PXDNL: variants seen among roughly 807,000 people sequenced by gnomAD.
The protein encoded by PXDNL is peroxidasin like.
PXDNL carries 145 observed loss-of-function variants against 150.8 expected under a neutral mutation model. That is an observed-to-expected ratio of 0.96 (90% CI 0.84 to 1.10). The LOEUF (loss-of-function observed/expected upper bound fraction) is 1.10, where lower values mean the gene tolerates loss of function less well. Ranked by LOEUF, PXDNL falls within the 50% of genes least tolerant of loss-of-function variation. The pLI is 0.00. For missense variants in PXDNL, 2,087 were observed against 1,873.9 expected, an observed-to-expected ratio of 1.11 and a Z score of -2.10; for synonymous variants, 757 against 725.7, an observed-to-expected ratio of 1.04 and a Z score of -0.69.
intron 1 of PXDNL, among the ~76,000 whole-genome samples, chr8:51,780,800 C>T (rs1328797120): frequency 1.3e-5 from 2 of 151,876 alleles, no homozygotes; most frequent in African/African-American, 4.8e-5. Flanking sequence ...GCTGGAATTA[C>T]AGGTGTGCAC....
At chr8:51,639,106 G>A (rs1444482919) in intron 2 of PXDNL, among the ~76,000 whole-genome samples, 2 of 152,140 alleles carry the variant, frequency 1.3e-5, no homozygotes, top group Non-Finnish European at 2.9e-5. Flanking sequence ...TGACTACTGG[G>A]TACATAACGA....
At chr8:51,402,548 G>C (rs1309095240) in intron 17 of PXDNL, among the ~76,000 whole-genome samples, 2 of 152,118 alleles carry the variant, frequency 1.3e-5, no homozygotes, top group Admixed American at 1.3e-4. Context: ...AGCCGAGGCA[G>C]TTACACATCC....
intron 4 of PXDNL, among the ~76,000 whole-genome samples, chr8:51,529,846 G>A (rs569390570): frequency 8.5e-5 from 13 of 152,162 alleles, no homozygotes; most frequent in Non-Finnish European, 1.5e-4. Flanking sequence ...TCTAGGCCAG[G>A]CACTATGGAT....
intron 1 of PXDNL, among the ~76,000 whole-genome samples, chr8:51,751,523 A>C (rs1397588207): frequency 1.3e-5 from 2 of 152,192 alleles, no homozygotes; most frequent in Non-Finnish European, 2.9e-5. Flanking sequence ...TCACACAATT[A>C]CTTCAGATAT....
chr8:51,676,872 G>A (rs1815636106), intron 1 of PXDNL, among the ~76,000 whole-genome samples: 1 of 152,158 alleles, frequency 6.6e-6, no homozygotes, highest in African/African-American at 2.4e-5. Context: ...AAGTAACCCT[G>A]TCAAAAATTT....
At chr8:51,349,158 G>T (rs141509853) in intron 19 of PXDNL, among the ~76,000 whole-genome samples, 90 of 75,584 alleles carry the variant, frequency 1.2e-3, no homozygotes, top group South Asian at 2.5e-3. Context: ...CATAACGGTG[G>T]GTGGGTGTGT....
intron 1 of PXDNL, among the ~76,000 whole-genome samples, chr8:51,678,597 C>G (rs1438800779): frequency 6.7e-6 from 1 of 149,628 alleles, no homozygotes; most frequent in Non-Finnish European, 1.5e-5. Flanking sequence ...AATCATCATT[C>G]TCAGTAAACT....
At chr8:51,794,468 C>G (rs181871869) in intron 1 of PXDNL, among the ~76,000 whole-genome samples, 1 of 152,332 alleles carries the variant, frequency 6.6e-6, no homozygotes, top group East Asian at 1.9e-4. Flanking sequence ...GCAGACCTCT[C>G]AGCAGAAACC....
intron 5 of PXDNL, among the ~76,000 whole-genome samples, chr8:51,491,739 A>G (rs1022211178): frequency 5.3e-4 from 81 of 152,222 alleles, no homozygotes; most frequent in African/African-American, 1.8e-3. Flanking sequence ...CGACAAAAAT[A>G]CAAGGCTTGG....
chr8:51,690,134 T>A (rs1803880059), intron 1 of PXDNL, among the ~76,000 whole-genome samples: 1 of 152,190 alleles, frequency 6.6e-6, no homozygotes, highest in Non-Finnish European at 1.5e-5. Flanking sequence ...GATGAGCTAA[T>A]CTCATATGTG....
intron 17 of PXDNL, among the ~76,000 whole-genome samples, chr8:51,394,469 C>T (rs1248501504): frequency 6.6e-6 from 1 of 152,154 alleles, no homozygotes; most frequent in Non-Finnish European, 1.5e-5. Flanking sequence ...ATTAGAAAAA[C>T]TCATCAAAGA....
Position 51,413,192 on chromosome 8 carries a change from A to G in PXDNL, c.1862T>C (p.Val621Ala), listed in dbSNP as rs769228502. 4 of 1,612,180 alleles carry G rather than the reference A, an allele frequency of 2.5e-6. No homozygotes were observed. The South Asian group carries it at 3.3e-5, about 13-fold the overall frequency. Residue 621 changes from valine (V) to alanine (A), a missense_variant, in exon 15 of 23, where the codon GTT becomes GCT. Coordinates refer to ENST00000356297, the MANE Select transcript of PXDNL (RefSeq NM_144651.5). ...TCGTGTGGAGTTAATTGCACTGTCA[A>G]CTCTCTGTACAGCATCAAGAATGGA... ...ESSILDAVQR[V>A]DSAINSTRRH...
At chr8:51,663,099 T>C (rs368205800) in intron 1 of PXDNL, among the ~76,000 whole-genome samples, 8 of 152,276 alleles carry the variant, frequency 5.3e-5, no homozygotes, top group Admixed American at 2.0e-4. Context: ...GGTGTTAACA[T>C]GATGATTTTA....
chr8:51,403,505 G>C (rs1029223767), intron 17 of PXDNL, among the ~76,000 whole-genome samples: 5 of 152,112 alleles, frequency 3.3e-5, no homozygotes, highest in African/African-American at 1.2e-4. Context: ...TTAATGTTTT[G>C]GGGGTGAGAT....
At chr8:51,578,062 G>A (rs1296291482) in intron 3 of PXDNL, among the ~76,000 whole-genome samples, 1 of 102,220 alleles carries the variant, frequency 9.8e-6, no homozygotes, top group African/African-American at 4.2e-5. Context: ...AAGAAAGAAA[G>A]GAAAGAAAGA....
chr8:51,529,775 G>A (rs59808682), intron 4 of PXDNL, among the ~76,000 whole-genome samples: 5,732 of 152,204 alleles, frequency 0.038, 256 homozygotes, highest in African/African-American at 0.11. Context: ...TGAGTTCCCA[G>A]TCTCTCCCCA....
rs1292021929 is a variant in PXDNL at position 51,592,730 on chromosome 8, A to G, written c.237-32T>C. ...AAGCAAAAACAAACAAATAATTCCC[A>G]AATGAGAAACAGACTCTGCAAACAT... On this transcript the variant is annotated intron_variant, in intron 2 of 22. Transcript: ENST00000356297. 3 of 1,472,118 alleles carry G rather than the reference A, an allele frequency of 2.0e-6. No individual in the cohort carries two copies. In the East Asian group the frequency reaches 7.4e-5, roughly 37 times the overall value. 91.2% of individuals were successfully genotyped at this position (1,472,118 alleles called of 1,614,324 possible).
intron 1 of PXDNL, among the ~76,000 whole-genome samples, chr8:51,672,182 T>C (rs965895888): frequency 9.2e-5 from 14 of 152,180 alleles, no homozygotes; most frequent in African/African-American, 3.1e-4. Flanking sequence ...GGTTTCACCA[T>C]GTTGGCCAGG....
intron 17 of PXDNL, among the ~76,000 whole-genome samples, chr8:51,403,126 GAAAC>G (rs982611589): frequency 4.1e-5 from 6 of 146,624 alleles, no homozygotes; most frequent in African/African-American, 1.2e-4. Context: ...GAAAAAAAAA[GAAAC>G]AGTGTGATTC....
Sources: gnomAD v4.1 joint callset for allele counts (sites outside exome capture counted in the v4.1 genomes callset) on GRCh38, gnomAD v4.1.1 for gene constraint, MANE v1.5 for transcripts, NCBI Gene and HGNC (gene_info 2026-07-23, HGNC 2026-07-21) for gene names.